Variants in CSMD2 observed in about 807,000 individuals in gnomAD.
The protein encoded by CSMD2 is CUB and Sushi multiple domains 2.
In CSMD2, 130 loss-of-function variants were observed where a neutral mutation model predicts 398.5. That is an observed-to-expected ratio of 0.33 (90% CI 0.28 to 0.38). The LOEUF is 0.38. Among genes scored for constraint, CSMD2 ranks in the 10% least tolerant of loss-of-function variants. The pLI, the probability that CSMD2 is intolerant of heterozygous loss-of-function variation, is 1.00. For missense variants in CSMD2, 3,829 were observed against 4,764.9 expected (o/e 0.80, Z 5.78); for synonymous variants, 1,828 against 1,908.5 (o/e 0.96, Z 1.10).
chr1:34,134,215 C>A (rs1638479565), intron 1 of CSMD2, among the ~76,000 whole-genome samples: 1 of 152,080 alleles, frequency 6.6e-6, no homozygotes, highest in Non-Finnish European at 1.5e-5. Flanking sequence ...TGACAACAGC[C>A]AACACTCTTT....
chr1:33,645,127 G>A lies in CSMD2; in HGVS notation c.4774+1521C>T, dbSNP rs181103979. ...ATGTGAGATATTCCCAGGGGTGGCC[G>A]GAAATATTTAATTAGGGGACACTTT... On this transcript the variant is annotated intron_variant, in intron 29 of 70. Transcript: ENST00000373381. Among the ~76,000 whole-genome samples, 151 of 152,086 alleles carry A rather than the reference G, an allele frequency of 9.9e-4. 1 individual carries two copies. In the Middle Eastern group the frequency reaches 0.014, roughly 14 times the overall value.
chr1:33,575,942 AT>A (rs1660030217), intron 49 of CSMD2, among the ~76,000 whole-genome samples: 2 of 152,236 alleles, frequency 1.3e-5, no homozygotes, highest in Admixed American at 1.3e-4. Flanking sequence ...TAGCAATGTG[AT>A]TTCCTGTTTT....
chr1:34,090,670 C>A (rs1051174391), intron 1 of CSMD2, among the ~76,000 whole-genome samples: 2 of 152,120 alleles, frequency 1.3e-5, no homozygotes, highest in Non-Finnish European at 2.9e-5. Flanking sequence ...CCGTCTGTCC[C>A]CACCCTACAC....
chr1:34,088,081 C>G (rs1244012277), intron 2 of CSMD2, among the ~76,000 whole-genome samples: 1 of 152,208 alleles, frequency 6.6e-6, no homozygotes, highest in Admixed American at 6.5e-5. Flanking sequence ...TGTGACCCTG[C>G]TGCAGGAGCT....
At chr1:33,788,872 T>G (rs1245862370) in intron 11 of CSMD2, among the ~76,000 whole-genome samples, 160 bp from the exon 12 acceptor site, 2 of 152,112 alleles carry the variant, frequency 1.3e-5, no homozygotes, top group Admixed American at 1.3e-4. Context: ...AGCAGCATGC[T>G]CTCCCTGTGC....
intron 1 of CSMD2, among the ~76,000 whole-genome samples, chr1:34,129,418 G>A (rs1333728022): frequency 6.6e-6 from 1 of 152,166 alleles, no homozygotes; most frequent in Non-Finnish European, 1.5e-5. Context: ...TTGGGAGGCT[G>A]AGGCAGGCAG....
At chr1:34,021,791 T>C (rs1304358208) in intron 3 of CSMD2, among the ~76,000 whole-genome samples, 1 of 152,212 alleles carries the variant, frequency 6.6e-6, no homozygotes, top group Non-Finnish European at 1.5e-5. Context: ...CAGAGAGCTC[T>C]GGGTCAGAGA....
At chr1:33,866,404 C>T (rs1188838241) in intron 5 of CSMD2, among the ~76,000 whole-genome samples, 1 of 152,170 alleles carries the variant, frequency 6.6e-6, no homozygotes, top group Non-Finnish European at 1.5e-5. Context: ...TGGGGACCAC[C>T]CAGCAAGCCT....
rs201351881 is a variant in CSMD2 at position 33,569,478 on chromosome 1, G to A, written c.8027C>T (p.Ala2676Val). ...HRIGTLSVYG[A>V]TAIFSCNSGY... is the part of the protein sequence containing the mutation. The stretch of plus-strand genomic sequence containing the variant: ...GGAATTGCAGGAGAAGATGGCTGTT[G>A]CCCCGTAGACAGACAGTGTTCCGAT... Residue 2676 changes from alanine (A) to valine (V), a missense_variant, in exon 52 of 71, where the codon GCA becomes GTA. This residue lies in a region of CSMD2 where 723 missense variants were observed against 758.6 expected (regional missense o/e 0.95). Coordinates refer to ENST00000373381, the MANE Select transcript of CSMD2 (RefSeq NM_001281956.2). 3.7e-5 allele frequency: 59 copies of A among 1,614,202 alleles called. No homozygotes were observed. In the Admixed American group the frequency reaches 9.8e-4, roughly 27 times the overall value.
intron 13 of CSMD2, among the ~76,000 whole-genome samples, chr1:33,754,238 T>A (rs1648680864): frequency 1.3e-5 from 2 of 152,188 alleles, no homozygotes; most frequent in South Asian, 4.1e-4. Context: ...GGTTAGATTC[T>A]TCATGAGTGG....
intron 53 of CSMD2, among the ~76,000 whole-genome samples, chr1:33,563,962 C>T (rs1658815667): frequency 6.6e-6 from 1 of 152,020 alleles, no homozygotes; most frequent in South Asian, 2.1e-4. Flanking sequence ...TTCTTGCTTT[C>T]CTCCTCCAGA....
intron 3 of CSMD2, among the ~76,000 whole-genome samples, chr1:33,936,976 C>T (rs917127471): frequency 2.0e-5 from 3 of 152,176 alleles, no homozygotes; most frequent in East Asian, 1.9e-4. Flanking sequence ...TGGAAGCCAC[C>T]GTGCTTGAGT....
intron 3 of CSMD2, among the ~76,000 whole-genome samples, chr1:33,980,676 C>T (rs945130793): frequency 7.2e-5 from 11 of 152,196 alleles, no homozygotes; most frequent in Admixed American, 4.6e-4. Flanking sequence ...CGTGTCAGAC[C>T]GTGGACTAGG....
chr1:34,084,922 C>T (rs1657680733), intron 2 of CSMD2, among the ~76,000 whole-genome samples: 2 of 152,176 alleles, frequency 1.3e-5, no homozygotes, highest in Admixed American at 6.5e-5. Context: ...TGTAAAGACA[C>T]ATGTACACAT....
rs576436317 is a variant in CSMD2, at chr1:33,633,100, G to C, written c.5200+322C>G. 1.7e-4 allele frequency among the ~76,000 whole-genome samples: 26 copies of C among 152,186 alleles called. No homozygotes were observed. The highest frequency in any genetic ancestry group is 4.6e-4 in the African/African-American group (19 of 41,524). ...ATTCTGTATGCAATTATTTTGTTTT[G>C]TCACTAAGTTTTCTATAATGAAAAT... On this transcript the variant is annotated intron_variant, in intron 32 of 70. Transcript: ENST00000373381. The surrounding 1 kb of genome is among the most constrained non-coding windows in gnomAD (Gnocchi z 5.0).
chr1:33,966,824 C>A (rs886115458), intron 3 of CSMD2, among the ~76,000 whole-genome samples: 2 of 152,022 alleles, frequency 1.3e-5, no homozygotes, highest in Admixed American at 6.6e-5. Flanking sequence ...GCTAAAAAGG[C>A]GGTTGAGAGT....
At chr1:33,575,962 T>C (rs1291265852) in intron 49 of CSMD2, among the ~76,000 whole-genome samples, 1 of 152,212 alleles carries the variant, frequency 6.6e-6, no homozygotes, top group African/African-American at 2.4e-5. Context: ...TTTGTCTATG[T>C]AGTTGGCAAT....
At chr1:33,631,036 A>G (rs1056679261) in intron 32 of CSMD2, among the ~76,000 whole-genome samples, 5 of 152,230 alleles carry the variant, frequency 3.3e-5, no homozygotes, top group Non-Finnish European at 5.9e-5. Context: ...ATGAGGAAGG[A>G]AATGATGAAA....
At chr1:33,963,052 TG>T (rs1450489759) in intron 3 of CSMD2, among the ~76,000 whole-genome samples, 1 of 152,234 alleles carries the variant, frequency 6.6e-6, no homozygotes, top group Non-Finnish European at 1.5e-5. Flanking sequence ...AGGTGTCACC[TG>T]CCTGAGAGTG....
Sources: allele counts gnomAD v4.1 joint callset (sites outside exome capture counted in the v4.1 genomes callset), GRCh38; gene constraint gnomAD v4.1.1; regional missense constraint gnomAD v4.1.1; non-coding constraint Gnocchi (gnomAD v3.1); transcripts MANE v1.5; gene names NCBI Gene and HGNC (gene_info 2026-07-23, HGNC 2026-07-21).